Variants in SRGAP2C observed in about 807,000 individuals in gnomAD.
The protein encoded by SRGAP2C is SLIT-ROBO Rho GTPase-activating protein 2C.
In SRGAP2C, 15 loss-of-function variants were observed where a neutral mutation model predicts 25.1. That is an observed-to-expected ratio of 0.60 (90% confidence interval 0.40 to 0.92). SRGAP2C has a LOEUF of 0.92. SRGAP2C is among the 40% of genes least tolerant of loss of function. SRGAP2C has a pLI of 0.00. For synonymous variants in SRGAP2C, 44 were observed against 96.6 expected (o/e 0.46, Z 3.19); for missense variants, 144 against 264.4 (o/e 0.54, Z 3.16).
intron 3 of SRGAP2C, among the ~76,000 whole-genome samples, chr1:121,314,366 T>G (rs1397079090): frequency 1.3e-5 from 2 of 152,068 alleles, no homozygotes; most frequent in East Asian, 1.9e-4. Context: ...TTGCCTTTGG[T>G]TTGAATTTCC....
At chr1:121,195,701 A>T (rs1184055706) in intron 2 of SRGAP2C, among the ~76,000 whole-genome samples, 2 of 149,436 alleles carry the variant, frequency 1.3e-5, no homozygotes, top group African/African-American at 2.5e-5. Context: ...AGAGGACTGG[A>T]AGCCTAACTT....
At chr1:121,366,963 C>T (rs879953996) in intron 5 of SRGAP2C, among the ~76,000 whole-genome samples, 79 of 101,838 alleles carry the variant, frequency 7.8e-4, no homozygotes, top group Non-Finnish European at 1.2e-3. Context: ...AGTGAAAGGG[C>T]GTAAGCTGTG....
rs151090703 is a variant in SRGAP2C at position 121,222,639 on chromosome 1, A to T, written c.67+35126A>T. ...AAGACCCTGTCTCAAAAACAAGCTA[A>T]CAAAAAAACCCCTAAAAAACAAAAG... On this transcript the variant is annotated intron_variant, in intron 2 of 9. Transcript: ENST00000367123. Among the ~76,000 whole-genome samples, 8 of 152,286 alleles carry T rather than the reference A, an allele frequency of 5.3e-5. No homozygotes were observed. In the East Asian group the frequency reaches 1.4e-3, roughly 26 times the overall value.
intron 2 of SRGAP2C, among the ~76,000 whole-genome samples, chr1:121,258,428 G>A (rs1407262590): frequency 6.9e-6 from 1 of 145,454 alleles, no homozygotes; most frequent in East Asian, 2.0e-4. Context: ...CAAGCTGTTG[G>A]CTTTTAGGAT....
intron 2 of SRGAP2C, among the ~76,000 whole-genome samples, chr1:121,198,377 G>A (rs1486610173): frequency 1.5e-5 from 2 of 135,060 alleles, no homozygotes; most frequent in African/African-American, 5.6e-5. Context: ...GTGAAAGTTG[G>A]GACCTTATCT....
chr1:121,392,353 T>C lies in SRGAP2C; in HGVS notation c.*4498T>C, dbSNP rs1660123308. On this transcript the variant is annotated 3_prime_UTR_variant, in exon 10 of 10. Coordinates refer to ENST00000367123, the MANE Select transcript of SRGAP2C (RefSeq NM_001329984.2). ...CTCTTCTTCTTTCTCGCCTTCATTATCCCTTTCGCTGTTTCTCTTTCTCCC... is the reference window on the plus strand; with the variant it reads ...CTCTTCTTCTTTCTCGCCTTCATTACCCCTTTCGCTGTTTCTCTTTCTCCC... 6.6e-6 allele frequency: 1 copy of C among 152,202 alleles called. No homozygotes were observed. The highest frequency in any genetic ancestry group is 1.5e-5 in the Non-Finnish European group (1 of 68,006). The allele number at this position is 152,202 out of a possible 1,614,324, so 9.4% of individuals were successfully genotyped here. A position where few individuals can be genotyped will look rare whatever the true frequency, so the allele number is the denominator to read the frequency against.
rs1312529375 is a variant in SRGAP2C at position 121,365,915 on chromosome 1, C to T, written c.486+560C>T. On this transcript the variant is annotated intron_variant, in intron 5 of 9. Transcript: ENST00000367123. ...ATAAAGCCAAACCTCAGTGACGAGG[C>T]AGGCTGCGGGCTTGAAGAAGAGAAC... 2.1e-5 allele frequency among the ~76,000 whole-genome samples: 3 copies of T among 145,882 alleles called. No individual in the cohort carries two copies. In the East Asian group the frequency reaches 6.4e-4, roughly 31 times the overall value.
intron 3 of SRGAP2C, among the ~76,000 whole-genome samples, chr1:121,303,801 T>C (rs1301339021): frequency 2.0e-5 from 3 of 152,120 alleles, no homozygotes; most frequent in Non-Finnish European, 4.4e-5. Context: ...TTTATTTAAC[T>C]TTCTCCCCTT....
intron 3 of SRGAP2C, among the ~76,000 whole-genome samples, chr1:121,287,533 A>G (rs1657397101): frequency 6.6e-6 from 1 of 150,904 alleles, no homozygotes; most frequent in East Asian, 2.0e-4. Context: ...TGGTAATCTC[A>G]TCCTAAATTT....
At chr1:121,337,669 T>C (rs2101621709) in intron 4 of SRGAP2C, among the ~76,000 whole-genome samples, 1 of 131,190 alleles carries the variant, frequency 7.6e-6, no homozygotes, top group African/African-American at 2.8e-5. Flanking sequence ...AAAATAAAAA[T>C]GCCTCTCTGA....
chr1:121,322,890 T>C (rs1658241082), intron 3 of SRGAP2C, among the ~76,000 whole-genome samples: 1 of 152,168 alleles, frequency 6.6e-6, no homozygotes, highest in Non-Finnish European at 1.5e-5. Context: ...TCAACTCACT[T>C]TCTTTGTAGT....
intron 4 of SRGAP2C, among the ~76,000 whole-genome samples, chr1:121,331,148 A>C (rs1658422303): frequency 1.6e-5 from 2 of 127,190 alleles, no homozygotes; most frequent in Non-Finnish European, 3.1e-5. Flanking sequence ...CTCCCTCAAA[A>C]AAAAAAAAAA....
chr1:121,191,735 C>T (rs1373453566), intron 2 of SRGAP2C, among the ~76,000 whole-genome samples: 5 of 151,514 alleles, frequency 3.3e-5, no homozygotes, highest in African/African-American at 1.2e-4. Context: ...TATTTAAGGC[C>T]CCTTTCCTTT....
chr1:121,263,080 G>T (rs587716965), intron 2 of SRGAP2C, among the ~76,000 whole-genome samples: 1 of 151,966 alleles, frequency 6.6e-6, no homozygotes, highest in African/African-American at 2.4e-5. Flanking sequence ...GAGACTGGGT[G>T]TGGTGGCTCA....
chr1:121,375,159 G>C (rs371309922), intron 7 of SRGAP2C, among the ~76,000 whole-genome samples: 1 of 149,988 alleles, frequency 6.7e-6, no homozygotes, highest in South Asian at 2.1e-4. Context: ...CTGGGAGGAA[G>C]GCATTATTAT....
In SRGAP2C at chr1:121,223,021, C is replaced by T. The variant is rs1558085511; in HGVS notation, c.67+35508C>T. On this transcript the variant is annotated intron_variant, in intron 2 of 9. Transcript: ENST00000367123. ...AAGGGTCTTGGGATCAAATGTACAGCTAAATTGATGAGATCAATTCATTAA... is the reference window on the plus strand; with the variant it reads ...AAGGGTCTTGGGATCAAATGTACAGTTAAATTGATGAGATCAATTCATTAA... Among the ~76,000 whole-genome samples, 4 of 151,904 alleles carry T rather than the reference C, an allele frequency of 2.6e-5. No individual in the cohort carries two copies. In the South Asian group the frequency reaches 6.3e-4, roughly 24 times the overall value.
chr1:121,260,208 G>A (rs1459214138), intron 2 of SRGAP2C, among the ~76,000 whole-genome samples: 1 of 149,650 alleles, frequency 6.7e-6, no homozygotes, highest in Non-Finnish European at 1.5e-5. Context: ...GCTTTTAGAT[G>A]AGGCCTCATG....
intron 2 of SRGAP2C, among the ~76,000 whole-genome samples, chr1:121,199,752 A>T (rs1308175003): frequency 6.9e-6 from 1 of 144,710 alleles, no homozygotes; most frequent in Non-Finnish European, 1.5e-5. Flanking sequence ...CCCAGATCAC[A>T]CCATTGCACT....
chr1:121,195,760 G>T (rs587773006), intron 2 of SRGAP2C, among the ~76,000 whole-genome samples: 11 of 149,544 alleles, frequency 7.4e-5, no homozygotes, highest in African/African-American at 2.5e-4. Flanking sequence ...AACATTTGCT[G>T]TCTGTTGGAT....
Sources: gnomAD v4.1 joint callset for allele counts (sites outside exome capture counted in the v4.1 genomes callset) on GRCh38, gnomAD v4.1.1 for gene constraint, MANE v1.5 for transcripts, NCBI Gene and HGNC (gene_info 2026-07-23, HGNC 2026-07-21) for gene names.